The following RBMS2 variants were observed in gnomAD, a reference collection of about 807,000 sequenced individuals.
The protein encoded by RBMS2 is RNA-binding motif, single-stranded-interacting protein 2.
RBMS2 carries 38 observed loss-of-function variants against 58.4 expected under a neutral mutation model. The observed-to-expected ratio is 0.65, with a 90% CI of 0.50 to 0.85. The LOEUF (loss-of-function observed/expected upper bound fraction) is 0.85, where lower values mean the gene tolerates loss of function less well. RBMS2 is among the 40% of genes least tolerant of loss of function. The pLI, the probability that RBMS2 is intolerant of heterozygous loss-of-function variation, is 0.00. For synonymous variants in RBMS2, 151 were observed against 180.7 expected (o/e 0.84, Z 1.32); for missense variants, 367 against 503.7 (o/e 0.73, Z 2.60).
At chr12:56,586,004 G>A (rs1455260646) in intron 9 of RBMS2, among the ~76,000 whole-genome samples, 1 of 151,640 alleles carries the variant, frequency 6.6e-6, no homozygotes, top group Non-Finnish European at 1.5e-5. Flanking sequence ...GCAACATGGC[G>A]AAACCCCGTC....
chr12:56,570,042 A>G lies in RBMS2; in HGVS notation c.384+52A>G, dbSNP rs770748924. ...CTCCAAGGGGTTTGTGGTTAGCACC[A>G]AAGTTCCAGTTCTAAGGTTTCCAGA... On this transcript the variant is annotated intron_variant, in intron 4 of 13. Coordinates refer to ENST00000262031, the MANE Select transcript of RBMS2 (RefSeq NM_002898.4). The G allele has an allele frequency of 1.5e-5, 23 of 1,513,214 alleles. No homozygotes were observed. The African/African-American group carries it at 3.2e-4, about 21-fold the overall frequency. The allele number at this position is 1,513,214 out of a possible 1,614,324, so 93.7% of individuals were successfully genotyped here.
At chr12:56,535,216 C>T (rs774476573) in intron 1 of RBMS2, among the ~76,000 whole-genome samples, 7 of 151,968 alleles carry the variant, frequency 4.6e-5, no homozygotes, top group Admixed American at 1.3e-4. Context: ...AGGTCTTGGA[C>T]GGGTGCAGTA....
chr12:56,587,436 T>C, intron 10 of RBMS2, 118 bp from the exon 11 acceptor site: 5 of 1,100,224 alleles, frequency 4.5e-6, no homozygotes, highest in Non-Finnish European at 6.4e-6. Flanking sequence ...GCTGCTCACT[T>C]ACCATTTCCC....
At chr12:56,526,668 TAA>T (rs371154715) in intron 1 of RBMS2, among the ~76,000 whole-genome samples, 6 of 117,466 alleles carry the variant, frequency 5.1e-5, no homozygotes, top group Admixed American at 9.7e-5. Flanking sequence ...CTTGGTTCAT[TAA>T]AAAAAAAAAA....
intron 9 of RBMS2, among the ~76,000 whole-genome samples, chr12:56,584,933 C>T (rs375414144): frequency 3.9e-4 from 58 of 150,490 alleles, no homozygotes; most frequent in African/African-American, 1.2e-3. Flanking sequence ...AAGTGATTCT[C>T]CTGCCTCAGC....
chr12:56,589,085 G>A lies in RBMS2; in HGVS notation c.*7-55G>A. The A allele has an allele frequency of 9.3e-6, 15 of 1,610,336 alleles. No homozygotes were observed. The South Asian group carries it at 1.7e-4, about 18-fold the overall frequency. On this transcript the variant is annotated intron_variant, in intron 13 of 13. Coordinates refer to ENST00000262031, the MANE Select transcript of RBMS2 (RefSeq NM_002898.4). ...AGACAGCAGCTCAGCCCGGCCTGAA[G>A]TCAGACAGGTTCTCATGTTTGTCTT...
intron 1 of RBMS2, among the ~76,000 whole-genome samples, chr12:56,547,089 C>G (rs1189124633): frequency 6.6e-6 from 1 of 152,102 alleles, no homozygotes; most frequent in Non-Finnish European, 1.5e-5. Flanking sequence ...GTGGCTCACA[C>G]CTGTAATCCT....
intron 5 of RBMS2, among the ~76,000 whole-genome samples, chr12:56,575,921 C>A (rs1001972868): frequency 2.0e-5 from 3 of 151,790 alleles, no homozygotes; most frequent in Non-Finnish European, 4.4e-5. Flanking sequence ...ATAGAGTGGT[C>A]CCCCCTTATT....
chr12:56,541,138 C>T (rs373079739), intron 1 of RBMS2, among the ~76,000 whole-genome samples: 12 of 151,022 alleles, frequency 7.9e-5, no homozygotes, highest in East Asian at 5.8e-4. Flanking sequence ...TAAGTCTCTG[C>T]GACTTTTGAG....
chr12:56,572,788 A>G, intron 5 of RBMS2: 2 of 985,276 alleles, frequency 2.0e-6, no homozygotes, highest in Non-Finnish European at 2.4e-6. Context: ...CTTCCTTTTC[A>G]GATCTGTTGG....
chr12:56,581,746 A>G (rs1054763351), intron 7 of RBMS2, 87 bp from the exon 8 acceptor site: 98 of 1,506,318 alleles, frequency 6.5e-5, no homozygotes, highest in Non-Finnish European at 1.1e-5. Flanking sequence ...TTGTTAAACC[A>G]AAACATTCCC....
At chr12:56,568,113 C>T (rs185426120) in intron 2 of RBMS2, among the ~76,000 whole-genome samples, 2 of 152,224 alleles carry the variant, frequency 1.3e-5, no homozygotes, top group East Asian at 3.9e-4. Flanking sequence ...TTCAAGATCA[C>T]GCATAGCTAA....
intron 1 of RBMS2, among the ~76,000 whole-genome samples, chr12:56,546,362 A>T: frequency 3.6e-5 from 5 of 138,380 alleles, no homozygotes; most frequent in African/African-American, 1.1e-4. Flanking sequence ...ATAATGTACA[A>T]TATATTGTAC....
intron 1 of RBMS2, among the ~76,000 whole-genome samples, chr12:56,539,499 A>G (rs868174774): frequency 3.3e-5 from 5 of 152,130 alleles, no homozygotes; most frequent in Admixed American, 6.6e-5. Context: ...ACCAGTATTC[A>G]GTATTTATAT....
At chr12:56,588,762 T>C in intron 12 of RBMS2, 170 bp from the exon 13 acceptor site, 1 of 675,756 alleles carries the variant, frequency 1.5e-6, no homozygotes, top group Admixed American at 2.5e-5. Context: ...GAGGACAGGC[T>C]GTAGGAAGGT....
intron 1 of RBMS2, among the ~76,000 whole-genome samples, chr12:56,536,657 T>G (rs1874923252): frequency 6.6e-6 from 1 of 151,114 alleles, no homozygotes; most frequent in African/African-American, 2.4e-5. Context: ...AACCTCCACC[T>G]GGTGGGTTCA....
At chr12:56,584,577 A>G (rs1366899728) in intron 9 of RBMS2, among the ~76,000 whole-genome samples, 1 of 152,032 alleles carries the variant, frequency 6.6e-6, no homozygotes, top group Non-Finnish European at 1.5e-5. Flanking sequence ...CAAGGTCAGG[A>G]GATCGAGACC....
rs116982837 is a variant in RBMS2 at position 56,562,632 on chromosome 12, G to T, written c.233+49G>T. 2.9e-3 allele frequency: 4,561 copies of T among 1,563,580 alleles called. 9 individuals carry two copies. The highest frequency in any genetic ancestry group is 3.8e-3 in the Non-Finnish European group (4,311 of 1,137,040). On this transcript the variant is annotated intron_variant, in intron 2 of 13. Transcript: ENST00000262031. Reference sequence around the variant, plus strand: ...GGCTTCCAGGGACAGTATAGATTTGGTTTTGAGACAGGGTCTCGTTATGTT... The same window carrying T: ...GGCTTCCAGGGACAGTATAGATTTGTTTTTGAGACAGGGTCTCGTTATGTT...
intron 1 of RBMS2, among the ~76,000 whole-genome samples, chr12:56,550,512 TG>T (rs1426939043): frequency 2.6e-5 from 4 of 151,714 alleles, no homozygotes. Context: ...CCTGCCTGGG[TG>T]ACAGAGTGAG....
Sources: allele counts gnomAD v4.1 joint callset (sites outside exome capture counted in the v4.1 genomes callset), GRCh38; gene constraint gnomAD v4.1.1; transcripts MANE v1.5; gene names NCBI Gene and HGNC (gene_info 2026-07-23, HGNC 2026-07-21).